Variants in MGMT observed in about 807,000 individuals in gnomAD.
MGMT encodes the protein O-6-methylguanine-DNA methyltransferase.
Under a neutral mutation model 15.9 loss-of-function variants are expected in MGMT, and 14 were observed. The observed-to-expected ratio is 0.88, with a 90% confidence interval of 0.58 to 1.37. MGMT has a LOEUF of 1.37. Among genes scored for constraint, MGMT ranks in the 40% most tolerant of loss-of-function variants. MGMT has a pLI of 0.00. For missense variants in MGMT, 282 were observed against 268.1 expected (o/e 1.05, Z -0.36); for synonymous variants, 130 against 118.2 (o/e 1.10, Z -0.65).
chr10:129,511,370 A>T (rs1309684993), intron 1 of MGMT, among the ~76,000 whole-genome samples: 1 of 150,704 alleles, frequency 6.6e-6, no homozygotes, highest in African/African-American at 2.4e-5. Context: ...TGCTTCCTGT[A>T]ATGGGAACCC....
At chr10:129,680,788 G>A (rs114936306) in intron 2 of MGMT, among the ~76,000 whole-genome samples, 5,911 of 152,284 alleles carry the variant, frequency 0.039, 391 homozygotes, top group African/African-American at 0.14. Context: ...TCCCCCGTGT[G>A]CCTGTGGCCC....
At chr10:129,643,733 C>A (rs758687704) in intron 2 of MGMT, among the ~76,000 whole-genome samples, 9 of 152,220 alleles carry the variant, frequency 5.9e-5, no homozygotes, top group Non-Finnish European at 8.8e-5. Context: ...CATCTTTGAG[C>A]CTGTGTTTAC....
intron 1 of MGMT, among the ~76,000 whole-genome samples, chr10:129,491,735 G>T (rs1373971338): frequency 2.0e-5 from 3 of 152,050 alleles, no homozygotes; most frequent in African/African-American, 7.2e-5. Flanking sequence ...CCCATCCAAT[G>T]AATCCTGAAT....
intron 2 of MGMT, among the ~76,000 whole-genome samples, chr10:129,624,503 G>C (rs74160244): frequency 1.3e-5 from 2 of 152,184 alleles, no homozygotes; most frequent in Admixed American, 6.5e-5. Flanking sequence ...GGATACATTA[G>C]GGGAATAGAT....
In MGMT at chr10:129,668,524, A is replaced by ATGTC. The variant is rs150089962; in HGVS notation, c.126-39369_126-39366dup. On this transcript the variant is annotated intron_variant, in intron 2 of 4. Transcript: ENST00000651593. ...ATGTTGAGAAGTCCATTTATTCCCC[A>ATGTC]TGTCTATGCAGTGACCCCTTTGTCA... Among the ~76,000 whole-genome samples the ATGTC allele has an allele frequency of 5.1e-4, 78 of 152,248 alleles. 3 individuals are homozygous for ATGTC. The East Asian group carries it at 0.015, about 29-fold the overall frequency.
chr10:129,736,029 T>TATA (rs1564779045), intron 3 of MGMT, among the ~76,000 whole-genome samples: 1 of 121,554 alleles, frequency 8.2e-6, no homozygotes, highest in Non-Finnish European at 1.7e-5. Flanking sequence ...GAAAAAAATG[T>TATA]ATATTCTGTT....
intron 3 of MGMT, among the ~76,000 whole-genome samples, chr10:129,746,279 T>G (rs1253771791): frequency 2.6e-5 from 4 of 151,630 alleles, no homozygotes; most frequent in East Asian, 1.9e-4. Context: ...ACACCTGACT[T>G]TCATAGACCA....
At chr10:129,590,326 T>A (rs868279392) in intron 2 of MGMT, among the ~76,000 whole-genome samples, 12 of 152,394 alleles carry the variant, frequency 7.9e-5, no homozygotes, top group Middle Eastern at 3.4e-3. Context: ...TGTGCTTATA[T>A]GAACTTTTCC....
intron 1 of MGMT, among the ~76,000 whole-genome samples, chr10:129,475,413 C>T (rs192468308): frequency 3.5e-4 from 53 of 152,180 alleles, no homozygotes; most frequent in East Asian, 9.7e-4. Flanking sequence ...TGAGGCACGG[C>T]GGATGCTGCG....
chr10:129,515,855 T>C (rs1845732994), intron 1 of MGMT, among the ~76,000 whole-genome samples: 1 of 152,348 alleles, frequency 6.6e-6, no homozygotes, highest in South Asian at 2.1e-4. Context: ...TTTAAATGTC[T>C]CTGCCTGCTA....
chr10:129,764,297 C>T lies in MGMT; in HGVS notation c.415-2491C>T, dbSNP rs534295699. ...CAGCAGCATCAGGCATGGGCACACC[C>T]GCTCCCAGGGGCTTTAAGCACCTTT... On this transcript the variant is annotated intron_variant, in intron 4 of 4. Transcript: ENST00000651593. Among the ~76,000 whole-genome samples the T allele has an allele frequency of 7.2e-5, 11 of 152,318 alleles. No homozygotes were observed. The East Asian group carries it at 9.7e-4, about 13-fold the overall frequency.
intron 3 of MGMT, among the ~76,000 whole-genome samples, chr10:129,713,090 C>A (rs1444169473): frequency 6.6e-6 from 1 of 152,148 alleles, no homozygotes. Flanking sequence ...GCACTTTGTA[C>A]CGATATTTTC....
chr10:129,575,747 C>T (rs1244897168), intron 2 of MGMT, among the ~76,000 whole-genome samples: 1 of 151,846 alleles, frequency 6.6e-6, no homozygotes, highest in Non-Finnish European at 1.5e-5. Flanking sequence ...AATCCAGGAG[C>T]TGATTTTTTG....
chr10:129,695,623 T>C (rs999749672), intron 2 of MGMT, among the ~76,000 whole-genome samples: 1 of 152,210 alleles, frequency 6.6e-6, no homozygotes, highest in African/African-American at 2.4e-5. Context: ...CTGTAAGCTG[T>C]GTGGAGATGA....
intron 1 of MGMT, among the ~76,000 whole-genome samples, chr10:129,523,604 GGGTTCCCTCC>G (rs1845837022): frequency 1.3e-5 from 2 of 152,130 alleles, no homozygotes; most frequent in Non-Finnish European, 2.9e-5. Context: ...ACAAGACTTG[GGGTTCCCTCC>G]ACCGTGGAAT....
rs112566372 is a variant in MGMT at position 129,731,417 on chromosome 10, C to T, written c.274+23374C>T. Among the ~76,000 whole-genome samples the T allele has an allele frequency of 2.0e-3, 264 of 131,392 alleles. 1 individual carries two copies. Among genetic ancestry groups the T allele is most frequent in the African/African-American group, 5.1e-3 (175 of 34,030 alleles). The allele number at this position is 131,392 out of a possible 152,430, so 86.2% of individuals were successfully genotyped here. A position where few individuals can be genotyped will look rare whatever the true frequency, so the allele number is the denominator to read the frequency against. On this transcript the variant is annotated intron_variant, in intron 3 of 4. Coordinates refer to ENST00000651593, the MANE Select transcript of MGMT (RefSeq NM_002412.5). ...TCGCTCTGTTGCCCAAGCTTGAGTG[C>T]AGTGACACGATCTCGGCTTACTGCA...
At chr10:129,697,083 T>G (rs1848041297) in intron 2 of MGMT, among the ~76,000 whole-genome samples, 1 of 152,204 alleles carries the variant, frequency 6.6e-6, no homozygotes, top group Non-Finnish European at 1.5e-5. Context: ...TGAGACTGTA[T>G]GATGTGGACA....
At chr10:129,598,961 T>C (rs1274159406) in intron 2 of MGMT, among the ~76,000 whole-genome samples, 1 of 152,214 alleles carries the variant, frequency 6.6e-6, no homozygotes, top group Admixed American at 6.5e-5. Context: ...CTTCCCTTTT[T>C]TATGTTCTTC....
intron 1 of MGMT, among the ~76,000 whole-genome samples, chr10:129,518,726 G>A (rs997985231): frequency 6.7e-6 from 1 of 148,930 alleles, no homozygotes. Context: ...TATAATATGG[G>A]TAACATACAC....
Sources: gnomAD v4.1 joint callset for allele counts (sites outside exome capture counted in the v4.1 genomes callset) on GRCh38, gnomAD v4.1.1 for gene constraint, MANE v1.5 for transcripts, NCBI Gene and HGNC (gene_info 2026-07-23, HGNC 2026-07-21) for gene names.